The following RPA3 variants were observed in gnomAD, a reference collection of about 807,000 sequenced individuals.
RPA3 encodes replication protein A 14 kDa subunit.
Under a neutral mutation model 13.7 loss-of-function variants are expected in RPA3, and 24 were observed. The observed-to-expected ratio is 1.75, with a 90% CI of 1.27 to 2.46. RPA3 has a LOEUF of 2.46. RPA3 is among the 30% of genes most tolerant of loss of function. The probability of loss-of-function intolerance (pLI) is 0.00; values close to 1 mark genes in which losing one functional copy is unlikely to be tolerated. For missense variants in RPA3, 183 were observed against 151.0 expected, an observed-to-expected ratio of 1.21 and a Z score of -1.11; for synonymous variants, 59 against 51.2, an observed-to-expected ratio of 1.15 and a Z score of -0.65.
chr7:7,676,500 A>T (rs890503854), intron 4 of RPA3, among the ~76,000 whole-genome samples: 2 of 152,182 alleles, frequency 1.3e-5, no homozygotes, highest in Non-Finnish European at 2.9e-5. Flanking sequence ...AAGTTATATC[A>T]TCAGTTTTAA....
intron 2 of RPA3, among the ~76,000 whole-genome samples, chr7:7,708,787 CT>C (rs1282941646): frequency 6.6e-6 from 1 of 152,006 alleles, no homozygotes; most frequent in African/African-American, 2.4e-5. Context: ...AATGTTAGGA[CT>C]TTTTTTGCCC....
chr7:7,655,069 A>G (rs1322454937), intron 4 of RPA3, among the ~76,000 whole-genome samples: 1 of 152,194 alleles, frequency 6.6e-6, no homozygotes, highest in African/African-American at 2.4e-5. Context: ...TGCTAGCAGG[A>G]TTTACTGTTA....
At chr7:7,681,262 T>TAGGCAAGCATTTCTGCTTAACACAA (rs1779906553) in intron 4 of RPA3, among the ~76,000 whole-genome samples, 1 of 152,148 alleles carries the variant, frequency 6.6e-6, no homozygotes, top group Admixed American at 6.6e-5. Context: ...CCTTTTCCCC[T>TAGGCAAGCATTTCTGCTTAACACAA]AGGCAAGCAT....
At chr7:7,647,232 T>C (rs1483744650) in intron 4 of RPA3, among the ~76,000 whole-genome samples, 3 of 152,220 alleles carry the variant, frequency 2.0e-5, no homozygotes, top group Non-Finnish European at 4.4e-5. Flanking sequence ...TTCAGCATAT[T>C]TCTTTTTTGA....
In RPA3 at chr7:7,663,274, A is replaced by G. The variant is rs192257195; in HGVS notation, c.-757-22099T>C. 6.9e-5 allele frequency among the ~76,000 whole-genome samples: 8 copies of G among 115,622 alleles called. No homozygotes were observed. In the Admixed American group the frequency reaches 7.6e-4, roughly 11 times the overall value. 75.9% of individuals were successfully genotyped at this position (115,622 alleles called of 152,430 possible). A position where few individuals can be genotyped will look rare whatever the true frequency, so the allele number is the denominator to read the frequency against. Reference sequence around the variant, plus strand: ...TTTGAAGCAAACACCTAAATCTAAGATAGTTTTTTCTTTCTTTGTTTTTCT... The same window carrying G: ...TTTGAAGCAAACACCTAAATCTAAGGTAGTTTTTTCTTTCTTTGTTTTTCT... On this transcript the variant is annotated intron_variant, in intron 4 of 7. Transcript: ENST00000223129.
chr7:7,694,548 C>T (rs1370133184), intron 2 of RPA3, among the ~76,000 whole-genome samples: 2 of 151,972 alleles, frequency 1.3e-5, no homozygotes, highest in Non-Finnish European at 2.9e-5. Flanking sequence ...ACTGTCCTTC[C>T]CAGACTCTGG....
chr7:7,679,927 T>C (rs1269828964), intron 4 of RPA3, among the ~76,000 whole-genome samples: 1 of 151,924 alleles, frequency 6.6e-6, no homozygotes. Context: ...TCCTTATATA[T>C]ACTGATTGTT....
intron 2 of RPA3, among the ~76,000 whole-genome samples, chr7:7,692,059 C>A (rs958082114): frequency 7.2e-5 from 11 of 152,136 alleles, no homozygotes; most frequent in Non-Finnish European, 1.0e-4. Context: ...TTGATAACTG[C>A]AGTTATTAAC....
intron 4 of RPA3, among the ~76,000 whole-genome samples, chr7:7,680,391 C>T (rs1398690522): frequency 1.3e-5 from 2 of 152,000 alleles, no homozygotes; most frequent in Non-Finnish European, 2.9e-5. Context: ...TGGTTCCATT[C>T]GTCCATGTGT....
At chr7:7,690,152 T>C (rs1780139960) in intron 2 of RPA3, among the ~76,000 whole-genome samples, 1 of 152,214 alleles carries the variant, frequency 6.6e-6, no homozygotes, top group Non-Finnish European at 1.5e-5. Context: ...GCTATGTTAT[T>C]AAGTCAGCAA....
At chr7:7,671,533 T>C (rs1203816212) in intron 4 of RPA3, among the ~76,000 whole-genome samples, 1 of 152,244 alleles carries the variant, frequency 6.6e-6, no homozygotes, top group Admixed American at 6.5e-5. Context: ...TGTTTTTAAC[T>C]GTTCGAGGTT....
chr7:7,689,342 A>C (rs1207321902), intron 2 of RPA3: 1 of 152,220 alleles, frequency 6.6e-6, no homozygotes, highest in Non-Finnish European at 1.5e-5. Context: ...TAGGAGAGCT[A>C]GCTTGAGACA....
chr7:7,687,470 G>C (rs4140805), intron 2 of RPA3, 142 bp from the exon 3 acceptor site: 2 of 152,144 alleles, frequency 1.3e-5, no homozygotes, highest in Non-Finnish European at 2.9e-5. Context: ...GATGTATGTT[G>C]TAGGCAAAGG....
intron 2 of RPA3, among the ~76,000 whole-genome samples, chr7:7,708,249 A>G (rs766293854): frequency 6.6e-6 from 1 of 152,222 alleles, no homozygotes; most frequent in Non-Finnish European, 1.5e-5. Flanking sequence ...GGAATTAAGA[A>G]TAAAATGAAT....
At chr7:7,657,836 T>TA (rs1412616987) in intron 4 of RPA3, among the ~76,000 whole-genome samples, 1 of 152,178 alleles carries the variant, frequency 6.6e-6, no homozygotes, top group Non-Finnish European at 1.5e-5. Flanking sequence ...TAGTTTTTTC[T>TA]AATTCTGTGA....
At chr7:7,676,389 AGTTTCT>A (rs959100691) in intron 4 of RPA3, among the ~76,000 whole-genome samples, 1 of 152,224 alleles carries the variant, frequency 6.6e-6, no homozygotes, top group Admixed American at 6.5e-5. Flanking sequence ...AATGTTTCCA[AGTTTCT>A]CCAGTTAGTA....
chr7:7,693,860 G>T (rs1480998987), intron 2 of RPA3, among the ~76,000 whole-genome samples: 2 of 152,018 alleles, frequency 1.3e-5, no homozygotes, highest in African/African-American at 4.8e-5. Flanking sequence ...TTTTTCCTCT[G>T]TGGTGGGTTT....
At chr7:7,646,480 ATTTTTTT>A (rs35948027) in intron 4 of RPA3, among the ~76,000 whole-genome samples, 1,453 of 111,350 alleles carry the variant, frequency 0.013, 23 homozygotes, top group African/African-American at 0.048. Flanking sequence ...CTTTCGCTGG[ATTTTTTT>A]TTTTTTTTTT....
intron 7 of RPA3, 64 bp from the exon 8 acceptor site, chr7:7,637,146 T>C: frequency 8.7e-7 from 1 of 1,148,978 alleles, no homozygotes; most frequent in Non-Finnish European, 1.3e-6. Context: ...AATTATTATC[T>C]AAGATATTTT....
Sources: gnomAD v4.1 joint callset for allele counts (sites outside exome capture counted in the v4.1 genomes callset) on GRCh38, gnomAD v4.1.1 for gene constraint, MANE v1.5 for transcripts, NCBI Gene and HGNC (gene_info 2026-07-23, HGNC 2026-07-21) for gene names.